The following PRDM5 variants were observed in gnomAD, a reference collection of about 807,000 sequenced individuals.
PRDM5 encodes PR domain zinc finger protein 5.
In PRDM5, 56 loss-of-function variants were observed where a neutral mutation model predicts 81.2. That is an observed-to-expected ratio of 0.69 (90% CI 0.56 to 0.86). The LOEUF (loss-of-function observed/expected upper bound fraction) is 0.86, where lower values mean the gene tolerates loss of function less well. Ranked by LOEUF, PRDM5 falls within the 40% of genes least tolerant of loss-of-function variation. The pLI is 0.00. For synonymous variants in PRDM5, 267 were observed against 256.4 expected (o/e 1.04, Z -0.39); for missense variants, 697 against 770.1 (o/e 0.91, Z 1.12).
downstream of PRDM5, among the ~76,000 whole-genome samples, chr4:120,690,763 C>A (rs777123451): frequency 6.6e-6 from 1 of 152,006 alleles, no homozygotes; most frequent in Non-Finnish European, 1.5e-5. Context: ...TAGCTAATTC[C>A]TAGTAGGTCT....
chr4:120,922,552 G>T lies in PRDM5; in HGVS notation c.57C>A (p.Asp19Glu), dbSNP rs148449361. The part of the protein sequence containing the change: ...RFSLKSSRVQ[D>E]GMGLYTARRV... ...TGCGGGCCGTGTAGAGCCCCATGCCGTCCTGAACCCGGGAGGACTTCAGGG... is the reference window on the plus strand; with the variant it reads ...TGCGGGCCGTGTAGAGCCCCATGCCTTCCTGAACCCGGGAGGACTTCAGGG... Residue 19 changes from aspartate to glutamate, a missense_variant, in exon 1 of 16, where the codon GAC becomes GAA. Coordinates refer to ENST00000264808, the MANE Select transcript of PRDM5 (RefSeq NM_018699.4). The T allele has an allele frequency of 6.2e-7, 1 of 1,610,728 alleles. No homozygotes were observed. The highest frequency in any genetic ancestry group is 1.1e-5 in the South Asian group (1 of 90,850).
intron 14 of PRDM5, among the ~76,000 whole-genome samples, chr4:120,740,793 T>C (rs72676397): frequency 0.13 from 20,054 of 152,214 alleles, 1,796 homozygotes; most frequent in Non-Finnish European, 0.2. Flanking sequence ...TTCTAAGAGA[T>C]AGAACTGATA....
chr4:120,869,060 T>C (rs1487107811), intron 2 of PRDM5, among the ~76,000 whole-genome samples: 1 of 152,182 alleles, frequency 6.6e-6, no homozygotes, highest in Non-Finnish European at 1.5e-5. Flanking sequence ...TATACATATA[T>C]ATGTTTCCAT....
At chr4:120,862,303 T>C (rs918403505) in intron 2 of PRDM5, among the ~76,000 whole-genome samples, 5 of 152,232 alleles carry the variant, frequency 3.3e-5, no homozygotes, top group Non-Finnish European at 7.3e-5. Flanking sequence ...ACAGTTCCTT[T>C]ACTCAATTTA....
chr4:120,877,979 C>G (rs756080322), intron 2 of PRDM5, among the ~76,000 whole-genome samples: 1 of 152,086 alleles, frequency 6.6e-6, no homozygotes, highest in Non-Finnish European at 1.5e-5. Flanking sequence ...AAAAAACTAA[C>G]CACCTTGTTT....
intron 3 of PRDM5, among the ~76,000 whole-genome samples, chr4:120,842,213 A>C (rs1397848121): frequency 2.0e-5 from 3 of 152,248 alleles, no homozygotes; most frequent in Non-Finnish European, 4.4e-5. Flanking sequence ...AGATAAAACT[A>C]CTTAGCAGTA....
At position 120,783,111 on chromosome 4, in the gene PRDM5, T is replaced by C. The variant is rs139420132; in HGVS notation, c.1283-1808A>G. On this transcript the variant is annotated intron_variant, in intron 11 of 15. Transcript: ENST00000264808. ...TTCACATTTTGAGCCAGAAAGCTGA[T>C]GTAAGTTTCTAACAACAGCTTTCAT... Among the ~76,000 whole-genome samples, 1,397 of 152,264 alleles carry C rather than the reference T, an allele frequency of 9.2e-3. 10 individuals are homozygous for C. The highest frequency in any genetic ancestry group is 0.025 in the South Asian group (122 of 4,830).
chr4:120,817,121 TA>T (rs1246952808), intron 5 of PRDM5, among the ~76,000 whole-genome samples, 197 bp from the exon 6 acceptor site: 1 of 152,214 alleles, frequency 6.6e-6, no homozygotes, highest in Admixed American at 6.5e-5. Flanking sequence ...TATATAATAC[TA>T]AATGCAATAA....
At chr4:120,829,024 G>T (rs1015219) in intron 3 of PRDM5, among the ~76,000 whole-genome samples, 1 of 151,934 alleles carries the variant, frequency 6.6e-6, no homozygotes, top group African/African-American at 2.4e-5. Context: ...GAATTTAAAA[G>T]GAAAAGTACA....
At chr4:120,865,967 T>C (rs1036315607) in intron 2 of PRDM5, among the ~76,000 whole-genome samples, 3 of 151,766 alleles carry the variant, frequency 2.0e-5, no homozygotes, top group African/African-American at 7.3e-5. Flanking sequence ...TGACAATCAA[T>C]GATCCACCAT....
intron 1 of PRDM5, among the ~76,000 whole-genome samples, chr4:120,918,547 T>G (rs989163060): frequency 2.0e-5 from 3 of 152,196 alleles, no homozygotes; most frequent in African/African-American, 7.2e-5. Context: ...TTTCTTTCTT[T>G]GATTTTTTTT....
At chr4:120,710,677 T>C (rs546956422) in intron 14 of PRDM5, among the ~76,000 whole-genome samples, 1 of 152,206 alleles carries the variant, frequency 6.6e-6, no homozygotes, top group African/African-American at 2.4e-5. Context: ...GTGAGTGAAT[T>C]CTCACAAGAT....
chr4:120,813,380 T>C (rs1256451692), intron 7 of PRDM5, among the ~76,000 whole-genome samples: 1 of 152,176 alleles, frequency 6.6e-6, no homozygotes, highest in African/African-American at 2.4e-5. Flanking sequence ...CCATGACCAT[T>C]CCTGCCTCAA....
At chr4:120,758,214 TATATA>T (rs1239915816) in intron 13 of PRDM5, among the ~76,000 whole-genome samples, 2 of 152,182 alleles carry the variant, frequency 1.3e-5, no homozygotes, top group Non-Finnish European at 2.9e-5. Context: ...AAGCTCCTCA[TATATA>T]ATATATCTAT....
At chr4:120,843,237 G>A (rs868253976) in intron 3 of PRDM5, among the ~76,000 whole-genome samples, 23 of 152,138 alleles carry the variant, frequency 1.5e-4, no homozygotes, top group African/African-American at 5.3e-4. Flanking sequence ...GGGAGGCTGA[G>A]GCAGGAGAAT....
intron 8 of PRDM5, among the ~76,000 whole-genome samples, chr4:120,806,711 A>C (rs1305649955): frequency 1.7e-4 from 26 of 152,206 alleles, no homozygotes; most frequent in Non-Finnish European, 3.8e-4. Context: ...AGATGGATTA[A>C]AGACTTAAAT....
intron 15 of PRDM5, among the ~76,000 whole-genome samples, chr4:120,701,017 C>T (rs770796821): frequency 6.2e-4 from 95 of 152,078 alleles, no homozygotes; most frequent in African/African-American, 1.9e-3. Context: ...CCCAGCTAGT[C>T]GGGAGGCTGA....
downstream of PRDM5, among the ~76,000 whole-genome samples, chr4:120,690,320 G>A (rs1002390954): frequency 2.6e-5 from 4 of 151,990 alleles, no homozygotes; most frequent in South Asian, 2.1e-4. Flanking sequence ...CATATGCTAC[G>A]TATGAAGCAC....
chr4:120,758,851 G>T (rs1207322138), intron 13 of PRDM5, among the ~76,000 whole-genome samples: 2 of 151,888 alleles, frequency 1.3e-5, no homozygotes, highest in Admixed American at 6.6e-5. Context: ...TGCCTCCCGG[G>T]TTCACACCAT....
Sources: allele counts gnomAD v4.1 joint callset (sites outside exome capture counted in the v4.1 genomes callset), GRCh38; gene constraint gnomAD v4.1.1; transcripts MANE v1.5; gene names NCBI Gene and HGNC (gene_info 2026-07-23, HGNC 2026-07-21).